The following CDH10 variants were observed in gnomAD, a reference collection of about 807,000 sequenced individuals.
The protein encoded by CDH10 is cadherin-10.
A neutral mutation model predicts 73.1 loss-of-function variants in CDH10; 30 were observed. The ratio of observed to expected loss-of-function variants is 0.41; its 90% CI spans 0.31 to 0.56. CDH10 has a LOEUF of 0.56. CDH10 is among the 20% of genes least tolerant of loss of function. CDH10 has a pLI of 0.27. For missense variants in CDH10, 815 were observed against 973.7 expected, an observed-to-expected ratio of 0.84 and a Z score of 2.17; for synonymous variants, 345 against 348.2, an observed-to-expected ratio of 0.99 and a Z score of 0.10.
intron 2 of CDH10, among the ~76,000 whole-genome samples, chr5:24,572,956 AGGAGAAGAAGAGAAGACAG>A (rs1745447219): frequency 6.8e-6 from 1 of 146,772 alleles, no homozygotes. Flanking sequence ...AAAAAAAAAA[AGGAGAAGAAGAGAAGACAG>A]AACAAAAAGA....
chr5:24,535,607 A>T, intron 4 of CDH10, 96 bp downstream of exon 4: 1 of 1,071,178 alleles, frequency 9.3e-7, no homozygotes. Flanking sequence ...TGTGAGTATT[A>T]ATGTTAAGGT....
intron 5 of CDH10, among the ~76,000 whole-genome samples, chr5:24,520,490 A>G (rs2111811014): frequency 6.6e-6 from 1 of 152,296 alleles, no homozygotes; most frequent in African/African-American, 2.4e-5. Flanking sequence ...TTACATACAC[A>G]TACACCTCCC....
intron 2 of CDH10, among the ~76,000 whole-genome samples, chr5:24,565,740 C>T (rs747695926): frequency 6.6e-6 from 1 of 151,904 alleles, no homozygotes; most frequent in South Asian, 2.1e-4. Context: ...AACTCTCGCT[C>T]TCTGTCTCTA....
chr5:24,628,865 CA>C (rs1747603886), intron 1 of CDH10, among the ~76,000 whole-genome samples: 1 of 149,222 alleles, frequency 6.7e-6, no homozygotes, highest in Admixed American at 6.7e-5. Flanking sequence ...CACACACACA[CA>C]CACACACAGA....
chr5:24,502,810 T>C (rs368413582), intron 8 of CDH10, among the ~76,000 whole-genome samples: 1 of 152,070 alleles, frequency 6.6e-6, no homozygotes, highest in Non-Finnish European at 1.5e-5. Context: ...AATGACCAGA[T>C]TGGATCATGT....
At chr5:24,495,856 CA>C (rs59901498) in intron 9 of CDH10, among the ~76,000 whole-genome samples, 36,548 of 120,740 alleles carry the variant, frequency 0.3, 4,532 homozygotes, top group South Asian at 0.37. Context: ...CTTCCTCAAA[CA>C]AAAAAAAAAA....
chr5:24,553,731 G>C (rs563621664), intron 2 of CDH10, among the ~76,000 whole-genome samples: 1 of 152,152 alleles, frequency 6.6e-6, no homozygotes, highest in Admixed American at 6.5e-5. Context: ...GGAGGAAAAA[G>C]TCTATACCCC....
chr5:24,596,161 C>T (rs901646054), intron 1 of CDH10, among the ~76,000 whole-genome samples: 4 of 151,862 alleles, frequency 2.6e-5, no homozygotes, highest in African/African-American at 4.8e-5. Context: ...TTAGTTCTTC[C>T]TAGTTATGTT....
At chr5:24,626,155 T>C (rs565757158) in intron 1 of CDH10, among the ~76,000 whole-genome samples, 1 of 152,270 alleles carries the variant, frequency 6.6e-6, no homozygotes, top group South Asian at 2.1e-4. Flanking sequence ...GTTAATTTCA[T>C]GGATCAGATT....
chr5:24,606,000 T>C (rs941737941), intron 1 of CDH10, among the ~76,000 whole-genome samples: 25 of 152,214 alleles, frequency 1.6e-4, no homozygotes, highest in African/African-American at 5.8e-4. Context: ...ATTTTATTTA[T>C]ATGACATTCT....
intron 2 of CDH10, among the ~76,000 whole-genome samples, chr5:24,591,577 A>G (rs1196684729): frequency 6.6e-6 from 1 of 151,874 alleles, no homozygotes; most frequent in East Asian, 1.9e-4. Flanking sequence ...GTCTTCAGTG[A>G]TTACAACTTC....
intron 1 of CDH10, among the ~76,000 whole-genome samples, chr5:24,609,402 A>T (rs1280067385): frequency 6.6e-6 from 1 of 152,076 alleles, no homozygotes; most frequent in Non-Finnish European, 1.5e-5. Context: ...GAGTAAGAGG[A>T]CAACCTCACA....
At position 24,617,120 on chromosome 5, in the gene CDH10, T is replaced by A. The variant is rs927005315; in HGVS notation, c.-123-23507A>T. ...TATCAGAGTTTATCAAGAGTGGCAC[T>A]CTTGAGACTTTGGACTAGACAATTC... On this transcript the variant is annotated intron_variant, in intron 1 of 11. Transcript: ENST00000264463. 7.2e-5 allele frequency among the ~76,000 whole-genome samples: 11 copies of A among 152,138 alleles called. 1 individual carries two copies. Among genetic ancestry groups the A allele is most frequent in the South Asian group, 2.1e-4 (1 of 4,828 alleles).
chr5:24,603,938 A>G (rs1746659869), intron 1 of CDH10, among the ~76,000 whole-genome samples: 2 of 152,252 alleles, frequency 1.3e-5, no homozygotes, highest in South Asian at 2.1e-4. Flanking sequence ...CAGAGAAGTT[A>G]CATTAAAAGC....
chr5:24,492,719 T>G (rs1742106715), intron 10 of CDH10, 98 bp downstream of exon 10: 3 of 630,860 alleles, frequency 4.8e-6, no homozygotes, highest in African/African-American at 3.7e-5. Context: ...ATAACTCAGA[T>G]CAATAAATTG....
intron 2 of CDH10, among the ~76,000 whole-genome samples, chr5:24,557,005 T>C (rs1744791571): frequency 6.6e-6 from 1 of 151,748 alleles, no homozygotes; most frequent in Non-Finnish European, 1.5e-5. Flanking sequence ...AAAGAAAACA[T>C]ATTGGAAGGT....
chr5:24,597,529 G>T (rs920569167), intron 1 of CDH10, among the ~76,000 whole-genome samples: 1 of 151,970 alleles, frequency 6.6e-6, no homozygotes, highest in East Asian at 1.9e-4. Context: ...CTTTTTCCAC[G>T]TTTTTTTAAC....
rs147511263 is a variant in CDH10, at chr5:24,590,995, C to T, written c.231+2265G>A. Among the ~76,000 whole-genome samples the T allele has an allele frequency of 8.5e-4, 129 of 152,002 alleles. 2 individuals are homozygous for T. Among genetic ancestry groups the T allele is most frequent in the African/African-American group, 2.7e-3 (114 of 41,496 alleles). ...AAAGAAAATATGACTGTGATAAATT[C>T]CTTATAAATAATGATGGAGAGAATA... On this transcript the variant is annotated intron_variant, in intron 2 of 11. Transcript: ENST00000264463.
At position 24,623,412 on chromosome 5, in the gene CDH10, C is replaced by T. The variant is rs144719702; in HGVS notation, c.-124+21182G>A. On this transcript the variant is annotated intron_variant, in intron 1 of 11. Transcript: ENST00000264463. ...CAGCGCCAGGCCAAAATGTGTAAAC[C>T]GCATAACAAATTTTAAAAGAGAACT... Among the ~76,000 whole-genome samples, 167 of 152,148 alleles carry T rather than the reference C, an allele frequency of 1.1e-3. 1 individual carries two copies. The highest frequency in any genetic ancestry group is 6.8e-3 in the Middle Eastern group (2 of 294).
Sources: allele counts gnomAD v4.1 joint callset (sites outside exome capture counted in the v4.1 genomes callset), GRCh38; gene constraint gnomAD v4.1.1; transcripts MANE v1.5; gene names NCBI Gene and HGNC (gene_info 2026-07-23, HGNC 2026-07-21).